The following PCDH11Y variants were observed in gnomAD, a reference collection of about 807,000 sequenced individuals.
PCDH11Y encodes protocadherin 11 Y-linked.
For missense variants in PCDH11Y, 12 were observed against 224.8 expected (o/e 0.05, Z 6.05); for synonymous variants, 9 against 83.6 (o/e 0.11, Z 4.87).
At chrY:5,497,774 CAG>C (rs2053347053) in intron 2 of PCDH11Y, among the ~76,000 whole-genome samples, 1 of 33,804 alleles carries the variant, frequency 3.0e-5, no homozygotes, top group African/African-American at 1.2e-4. Context: ...TTTATCAAGA[CAG>C]GGGGATTTCA....
intron 2 of PCDH11Y, among the ~76,000 whole-genome samples, chrY:5,305,965 CT>C (rs2053090127): frequency 3.2e-5 from 1 of 31,159 alleles, no homozygotes; most frequent in East Asian, 8.5e-4. Flanking sequence ...ACATGTTTCC[CT>C]CCCCAGAACA....
intron 2 of PCDH11Y, among the ~76,000 whole-genome samples, chrY:5,151,617 A>G: frequency 3.2e-5 from 1 of 31,258 alleles, no homozygotes; most frequent in Non-Finnish European, 7.9e-5. Context: ...GACTCCCCTT[A>G]TCTGTACTAC....
At chrY:5,703,559 T>C in intron 4 of PCDH11Y, among the ~76,000 whole-genome samples, 1 of 33,060 alleles carries the variant, frequency 3.0e-5, no homozygotes, top group African/African-American at 1.2e-4. Flanking sequence ...CCAAAGAAAT[T>C]AAACAATTTA....
chrY:5,577,286 C>A, intron 3 of PCDH11Y, among the ~76,000 whole-genome samples: 1 of 31,892 alleles, frequency 3.1e-5, no homozygotes, highest in South Asian at 7.1e-4. Context: ...GAGCCAATAG[C>A]TTGTGGACTA....
chrY:5,104,247 T>C, downstream of PCDH11Y: 1 of 351,613 alleles, frequency 2.8e-6, no homozygotes, highest in Non-Finnish European at 4.0e-6. Flanking sequence ...ATTTATATTT[T>C]GGTAATGCAA....
chrY:5,656,332 AGATT>A (rs2053536029), intron 4 of PCDH11Y, among the ~76,000 whole-genome samples: 2 of 32,791 alleles, frequency 6.1e-5, no homozygotes, highest in African/African-American at 2.4e-4. Context: ...CTTGACAGAT[AGATT>A]GTTTGCAAAT....
intron 2 of PCDH11Y, among the ~76,000 whole-genome samples, chrY:5,385,228 A>AT (rs2053212115): frequency 4.9e-5 from 1 of 20,544 alleles, no homozygotes; most frequent in Non-Finnish European, 1.0e-4. Flanking sequence ...GATTTGTTAG[A>AT]TTTTTGTGCA....
chrY:5,537,962 G>T (rs2124692449), intron 3 of PCDH11Y, among the ~76,000 whole-genome samples: 1 of 33,274 alleles, frequency 3.0e-5, no homozygotes, highest in East Asian at 7.9e-4. Flanking sequence ...ACTACATTTT[G>T]GACAGAACTG....
intron 2 of PCDH11Y, among the ~76,000 whole-genome samples, chrY:5,360,650 T>C (rs2124671790): frequency 2.4e-4 from 8 of 33,048 alleles, no homozygotes; most frequent in African/African-American, 9.4e-4. Context: ...GAAAGTCTTA[T>C]GTGTTCAAAT....
intron 2 of PCDH11Y, among the ~76,000 whole-genome samples, chrY:5,316,118 C>T: frequency 3.0e-5 from 1 of 32,922 alleles, no homozygotes; most frequent in Non-Finnish European, 7.5e-5. Flanking sequence ...CCAAGGTGGT[C>T]GGGGCACAGC....
chrY:5,270,072 T>TA, intron 2 of PCDH11Y, among the ~76,000 whole-genome samples: 1 of 30,079 alleles, frequency 3.3e-5, no homozygotes, highest in African/African-American at 1.3e-4. Flanking sequence ...TGTACACTGA[T>TA]ACAAATCAAA....
intron 4 of PCDH11Y, among the ~76,000 whole-genome samples, chrY:5,675,703 C>G (rs2124708963): frequency 3.0e-5 from 1 of 33,715 alleles, no homozygotes; most frequent in Non-Finnish European, 7.4e-5. Flanking sequence ...ACAGAGAAGT[C>G]AATAAATCTT....
At chrY:5,251,029 T>G (rs2053003613) in intron 2 of PCDH11Y, among the ~76,000 whole-genome samples, 1 of 32,820 alleles carries the variant, frequency 3.0e-5, no homozygotes, top group Non-Finnish European at 7.5e-5. Flanking sequence ...TGGAGGAATG[T>G]GTGGCTAAAA....
At chrY:5,122,015 A>G (rs2052818870) in intron 2 of PCDH11Y, among the ~76,000 whole-genome samples, 2 of 33,325 alleles carry the variant, frequency 6.0e-5, no homozygotes, top group African/African-American at 2.4e-4. Context: ...TCTACTGCCC[A>G]TTCTGTATTC....
At chrY:5,588,466 C>T in intron 4 of PCDH11Y, among the ~76,000 whole-genome samples, 1 of 33,203 alleles carries the variant, frequency 3.0e-5, no homozygotes, top group Non-Finnish European at 7.5e-5. Flanking sequence ...CATTAACATT[C>T]TATTCTTTTT....
chrY:5,628,060 G>A (rs2053509115), intron 4 of PCDH11Y, among the ~76,000 whole-genome samples: 2 of 32,730 alleles, frequency 6.1e-5, no homozygotes, highest in African/African-American at 1.2e-4. Context: ...CACATGAGAC[G>A]TTGACCATTT....
intron 1 of PCDH11Y, among the ~76,000 whole-genome samples, chrY:5,096,812 T>A (rs2124634866): frequency 4.7e-5 from 1 of 21,491 alleles, no homozygotes; most frequent in South Asian, 1.4e-3. Context: ...CATGCCATTC[T>A]CCTGCCTCAG....
At chrY:5,068,823 G>A in intron 1 of PCDH11Y, among the ~76,000 whole-genome samples, 2 of 32,031 alleles carry the variant, frequency 6.2e-5, no homozygotes, top group Admixed American at 3.0e-4. Flanking sequence ...TATTAGGATG[G>A]GTATATCATT....
intron 2 of PCDH11Y, among the ~76,000 whole-genome samples, chrY:5,275,358 A>G: frequency 3.2e-5 from 1 of 31,470 alleles, no homozygotes; most frequent in Admixed American, 3.0e-4. Context: ...TAAATGTTCC[A>G]ATGCATGTTG....
Sources: gnomAD v4.1 joint callset for allele counts (sites outside exome capture counted in the v4.1 genomes callset) on GRCh38, gnomAD v4.1.1 for gene constraint, MANE v1.5 for transcripts, NCBI Gene and HGNC (gene_info 2026-07-23, HGNC 2026-07-21) for gene names.